The following RBFOX1 variants were observed in gnomAD, a reference collection of about 807,000 sequenced individuals.
RBFOX1 encodes the protein RNA binding fox-1 homolog 1.
RBFOX1 carries 8 observed loss-of-function variants against 57.7 expected under a neutral mutation model. That is an observed-to-expected ratio of 0.14 (90% CI 0.08 to 0.25). RBFOX1 has a LOEUF of 0.25. RBFOX1 is among the 10% of genes least tolerant of loss of function. The probability of loss-of-function intolerance (pLI) is 1.00; values close to 1 mark genes in which losing one functional copy is unlikely to be tolerated. For synonymous variants in RBFOX1, 326 were observed against 222.4 expected (o/e 1.47, Z -4.15); for missense variants, 611 against 548.5 (o/e 1.11, Z -1.14).
intron 2 of RBFOX1, among the ~76,000 whole-genome samples, chr16:6,556,269 T>A (rs2097096868): frequency 6.6e-6 from 1 of 152,202 alleles, no homozygotes; most frequent in Non-Finnish European, 1.5e-5. Flanking sequence ...CAAAAAGGCA[T>A]CTTTGTCAGT....
rs531404903 is a variant in RBFOX1, at chr16:7,668,937, T to C, written c.930+3969T>C. Among the ~76,000 whole-genome samples the C allele has an allele frequency of 4.6e-5, 7 of 152,306 alleles. No homozygotes were observed. The South Asian group carries it at 1.2e-3, about 27-fold the overall frequency. The stretch of plus-strand genomic sequence containing the variant: ...GATGTTTTTTGAGGTGGAATCTCGC[T>C]CTGTCGCCCAGGCTGGAGCACAGTA... On this transcript the variant is annotated intron_variant, in intron 13 of 15. Transcript: ENST00000550418.
intron 3 of RBFOX1, among the ~76,000 whole-genome samples, chr16:5,738,176 T>G (rs2052647061): frequency 6.6e-6 from 1 of 152,142 alleles, no homozygotes; most frequent in Non-Finnish European, 1.5e-5. Flanking sequence ...TTTTCATACA[T>G]TATATTTATA....
intron 4 of RBFOX1, among the ~76,000 whole-genome samples, chr16:7,131,341 CTTTT>C (rs34213849): frequency 3.9e-3 from 283 of 71,762 alleles, no homozygotes; most frequent in Admixed American, 7.5e-3. Context: ...GCGAGACTGT[CTTTT>C]TTTTTTTTTT....
chr16:6,901,911 C>G (rs1292368761), intron 3 of RBFOX1, among the ~76,000 whole-genome samples: 4 of 152,140 alleles, frequency 2.6e-5, no homozygotes, highest in South Asian at 2.1e-4. Flanking sequence ...TATTTGCCAT[C>G]TGGCTTTTAA....
intron 4 of RBFOX1, among the ~76,000 whole-genome samples, chr16:5,871,002 A>G (rs141284930): frequency 6.6e-6 from 1 of 152,344 alleles, no homozygotes; most frequent in African/African-American, 2.4e-5. Flanking sequence ...TGGCTTTGCC[A>G]GTTCCCTTTC....
chr16:6,856,067 C>G (rs1317119453), intron 3 of RBFOX1, among the ~76,000 whole-genome samples: 1 of 151,674 alleles, frequency 6.6e-6, no homozygotes, highest in African/African-American at 2.4e-5. Context: ...GGTTAATGGA[C>G]CTCAGTGAAG....
intron 3 of RBFOX1, among the ~76,000 whole-genome samples, chr16:6,984,827 G>A (rs553619862): frequency 6.6e-6 from 1 of 152,202 alleles, no homozygotes; most frequent in Admixed American, 6.5e-5. Flanking sequence ...TTTTAGCAGA[G>A]ATGGGGTTTC....
chr16:7,260,059 C>A (rs552993252), intron 4 of RBFOX1, among the ~76,000 whole-genome samples: 2 of 152,122 alleles, frequency 1.3e-5, no homozygotes, highest in African/African-American at 4.8e-5. Context: ...CAGAGACTGT[C>A]TATTCACTGT....
chr16:6,310,878 C>T, intron 1 of RBFOX1, among the ~76,000 whole-genome samples: 1 of 140,244 alleles, frequency 7.1e-6, no homozygotes, highest in East Asian at 2.1e-4. Flanking sequence ...CTATGAAGAA[C>T]AGGTGCAAAT....
Position 6,483,288 on chromosome 16 carries a change from G to A in RBFOX1, c.-64+166231G>A, listed in dbSNP as rs149683434. The A allele has an allele frequency of 3.0e-4, 419 of 1,384,590 alleles. 3 individuals carry two copies. The South Asian group carries it at 4.3e-3, about 14-fold the overall frequency. 85.8% of individuals were successfully genotyped at this position (1,384,590 alleles called of 1,614,324 possible). A position where few individuals can be genotyped will look rare whatever the true frequency, so the allele number is the denominator to read the frequency against. On this transcript the variant is annotated intron_variant, in intron 2 of 15. Transcript: ENST00000550418. ...CGGGTGTTGATTGCCTCCTTGCACGGGCTGCTCGCTCTCGCGCCCGCGCGC... is the reference window on the plus strand; with the variant it reads ...CGGGTGTTGATTGCCTCCTTGCACGAGCTGCTCGCTCTCGCGCCCGCGCGC...
chr16:7,701,334 T>C (rs878871224), intron 14 of RBFOX1, among the ~76,000 whole-genome samples: 1 of 151,922 alleles, frequency 6.6e-6, no homozygotes, highest in Non-Finnish European at 1.5e-5. Context: ...GCTTCCTGTT[T>C]GCAGCCGCCC....
In RBFOX1 at chr16:6,842,163, TA is replaced by T. The variant is rs1167763673; in HGVS notation, c.-16+187516del. Among the ~76,000 whole-genome samples, 9 of 104,220 alleles carry T rather than the reference TA, an allele frequency of 8.6e-5. 1 individual carries two copies. Among genetic ancestry groups the T allele is most frequent in the African/African-American group, 3.1e-4 (9 of 28,998 alleles). The allele number at this position is 104,220 out of a possible 152,430, so 68.4% of individuals were successfully genotyped here. On this transcript the variant is annotated intron_variant, in intron 3 of 15. Transcript: ENST00000550418. ...CTCAGAAAAAAAAATAAAAAATAAA[TA>T]AATAAATAAATAAATAAATAAATAA...
chr16:7,054,205 T>G (rs1294005750), intron 4 of RBFOX1, among the ~76,000 whole-genome samples: 2 of 81,284 alleles, frequency 2.5e-5, no homozygotes, highest in African/African-American at 1.1e-4. Flanking sequence ...TAAGGTGATT[T>G]TTTTTTTCGG....
intron 4 of RBFOX1, among the ~76,000 whole-genome samples, chr16:7,353,734 A>G (rs1303766268): frequency 1.3e-5 from 2 of 152,208 alleles, no homozygotes; most frequent in Non-Finnish European, 2.9e-5. Flanking sequence ...GATTCGATTT[A>G]TATGAAATGT....
intron 1 of RBFOX1, among the ~76,000 whole-genome samples, chr16:5,316,867 G>T (rs1174553517): frequency 2.6e-5 from 4 of 152,168 alleles, no homozygotes; most frequent in South Asian, 2.1e-4. Flanking sequence ...GCACTGAGTG[G>T]GGAAGATTCC....
At chr16:6,936,479 C>T (rs1173520388) in intron 3 of RBFOX1, among the ~76,000 whole-genome samples, 4 of 152,066 alleles carry the variant, frequency 2.6e-5, no homozygotes, top group Non-Finnish European at 5.9e-5. Flanking sequence ...TTCCTTCATC[C>T]AACATTGAGT....
In RBFOX1 at chr16:6,150,866, G is replaced by C. The variant is rs182119598; in HGVS notation, c.-127+130874G>C. 1.6e-4 allele frequency among the ~76,000 whole-genome samples: 25 copies of C among 152,280 alleles called. No homozygotes were observed. The East Asian group carries it at 4.1e-3, about 25-fold the overall frequency. Reference sequence around the variant, plus strand: ...CCTGAGACCATTTGCAGCATGTCAGGTTGTCTTGACGTGCAGCTGAATTAT... The same window carrying C: ...CCTGAGACCATTTGCAGCATGTCAGCTTGTCTTGACGTGCAGCTGAATTAT... On this transcript the variant is annotated intron_variant, in intron 1 of 15. Transcript: ENST00000550418.
At chr16:6,894,506 C>A (rs2066282427) in intron 3 of RBFOX1, among the ~76,000 whole-genome samples, 1 of 152,130 alleles carries the variant, frequency 6.6e-6, no homozygotes, top group Non-Finnish European at 1.5e-5. Flanking sequence ...TGTTTCTGTT[C>A]ACACCTGCTC....
chr16:6,521,292 G>A (rs1345108914), intron 2 of RBFOX1, among the ~76,000 whole-genome samples: 2 of 152,078 alleles, frequency 1.3e-5, no homozygotes, highest in Non-Finnish European at 2.9e-5. Context: ...TTAAAGAATG[G>A]ATATGTTAAT....
Sources: gnomAD v4.1 joint callset for allele counts (sites outside exome capture counted in the v4.1 genomes callset) on GRCh38, gnomAD v4.1.1 for gene constraint, MANE v1.5 for transcripts, NCBI Gene and HGNC (gene_info 2026-07-23, HGNC 2026-07-21) for gene names.